Variants in SLC39A8 observed in about 807,000 individuals in gnomAD.
The protein encoded by SLC39A8 is solute carrier family 39 member 8.
Under a neutral mutation model 40.4 loss-of-function variants are expected in SLC39A8, and 15 were observed. The observed-to-expected ratio is 0.37, with a 90% confidence interval of 0.25 to 0.57. SLC39A8 has a LOEUF of 0.57. Among genes scored for constraint, SLC39A8 ranks in the 20% least tolerant of loss-of-function variants. The probability of loss-of-function intolerance (pLI) is 0.75; values close to 1 mark genes in which losing one functional copy is unlikely to be tolerated. For missense variants in SLC39A8, 472 were observed against 558.8 expected (o/e 0.84, Z 1.57); for synonymous variants, 223 against 221.6 (o/e 1.01, Z -0.06).
chr4:102,261,947 C>T lies in SLC39A8; in HGVS notation c.*1097G>A. 6 of 985,788 alleles carry T rather than the reference C, an allele frequency of 6.1e-6. No individual in the cohort carries two copies. Among genetic ancestry groups the T allele is most frequent in the Non-Finnish European group, 7.2e-6 (6 of 829,886 alleles). The allele number at this position is 985,788 out of a possible 1,614,324, so 61.1% of individuals were successfully genotyped here. On this transcript the variant is annotated 3_prime_UTR_variant, in exon 9 of 9. Coordinates refer to ENST00000356736, the MANE Select transcript of SLC39A8 (RefSeq NM_001135146.2). ...TCTATCTTCTAAATGAGTAAACAGG[C>T]TCTGTCTTTTATAAAAGGTAGAAAA...
chr4:102,321,407 G>A (rs78903968), intron 2 of SLC39A8, among the ~76,000 whole-genome samples: 2,479 of 152,284 alleles, frequency 0.016, 68 homozygotes, highest in African/African-American at 0.056. Context: ...GGAATTTCCC[G>A]TGCGTGCAAG....
intron 6 of SLC39A8, among the ~76,000 whole-genome samples, chr4:102,298,493 T>C (rs938082324): frequency 3.9e-5 from 6 of 152,110 alleles, no homozygotes; most frequent in African/African-American, 1.2e-4. Flanking sequence ...ATTATTTGTA[T>C]AGTTTTCTAT....
At chr4:102,336,015 A>T (rs1204015783) in intron 2 of SLC39A8, among the ~76,000 whole-genome samples, 2 of 152,212 alleles carry the variant, frequency 1.3e-5, no homozygotes, top group African/African-American at 4.8e-5. Flanking sequence ...GATGATAATA[A>T]CTATGCATTG....
chr4:102,286,665 C>T (rs1733196333), intron 6 of SLC39A8, among the ~76,000 whole-genome samples: 1 of 152,064 alleles, frequency 6.6e-6, no homozygotes, highest in African/African-American at 2.4e-5. Context: ...GCTTTAGGTG[C>T]AATCTTGCCA....
At chr4:102,296,739 A>C (rs1157048029) in intron 6 of SLC39A8, among the ~76,000 whole-genome samples, 3 of 152,152 alleles carry the variant, frequency 2.0e-5, no homozygotes, top group Admixed American at 2.0e-4. Flanking sequence ...GAGACTCAGA[A>C]GAAGCACCAG....
chr4:102,311,019 T>C (rs565731871), intron 3 of SLC39A8, among the ~76,000 whole-genome samples: 378 of 152,244 alleles, frequency 2.5e-3, no homozygotes, highest in Non-Finnish European at 3.5e-3. Flanking sequence ...GGTTCTATTA[T>C]GATACCCATT....
Position 102,279,518 on chromosome 4 carries a change from C to T in SLC39A8, c.841-11439G>A, listed in dbSNP as rs182775248. Among the ~76,000 whole-genome samples the T allele has an allele frequency of 2.6e-4, 40 of 152,222 alleles. No individual in the cohort carries two copies. The Middle Eastern group carries it at 0.01, about 39-fold the overall frequency. ...GATCCCCCAATAAAAACAAGACTACCAAGCACTCAGATCTTAAAGAAATGA... is the reference window on the plus strand; with the variant it reads ...GATCCCCCAATAAAAACAAGACTACTAAGCACTCAGATCTTAAAGAAATGA... On this transcript the variant is annotated intron_variant, in intron 6 of 8. Transcript: ENST00000356736.
chr4:102,287,185 AG>A (rs1180294450), intron 6 of SLC39A8, among the ~76,000 whole-genome samples: 2 of 152,090 alleles, frequency 1.3e-5, no homozygotes, highest in Non-Finnish European at 2.9e-5. Flanking sequence ...TATATCAGAG[AG>A]TATTGGCTGG....
At chr4:102,309,005 C>A (rs1235367348) in intron 3 of SLC39A8, among the ~76,000 whole-genome samples, 2 of 152,074 alleles carry the variant, frequency 1.3e-5, no homozygotes, top group African/African-American at 4.8e-5. Context: ...TTAGCATATG[C>A]TTTATTATTC....
intron 6 of SLC39A8, among the ~76,000 whole-genome samples, chr4:102,299,847 A>C (rs1021552552): frequency 2.0e-5 from 3 of 151,894 alleles, no homozygotes; most frequent in Non-Finnish European, 4.4e-5. Context: ...AAGAGCTGAC[A>C]CCCTCCCCAA....
chr4:102,282,020 C>G (rs144313601), intron 6 of SLC39A8, among the ~76,000 whole-genome samples: 172 of 152,328 alleles, frequency 1.1e-3, no homozygotes, highest in Non-Finnish European at 2.0e-3. Context: ...ATCGTTTAAT[C>G]TTCACAACTG....
At chr4:102,291,759 C>A (rs233804) in intron 6 of SLC39A8, among the ~76,000 whole-genome samples, 40,240 of 151,666 alleles carry the variant, frequency 0.27, 5,620 homozygotes, top group South Asian at 0.35. Context: ...GAACCTGACA[C>A]CAGGAAATGT....
intron 6 of SLC39A8, among the ~76,000 whole-genome samples, chr4:102,292,545 T>G (rs1335322971): frequency 2.6e-5 from 4 of 152,054 alleles, no homozygotes; most frequent in Non-Finnish European, 5.9e-5. Flanking sequence ...CCCCATTATG[T>G]CTTCAAGAAA....
chr4:102,259,803 G>A (rs1731798997), downstream of SLC39A8, among the ~76,000 whole-genome samples: 1 of 152,158 alleles, frequency 6.6e-6, no homozygotes, highest in Non-Finnish European at 1.5e-5. Flanking sequence ...TGGGGCAGGG[G>A]GAGAAATAAG....
At chr4:102,326,290 G>A (rs577807879) in intron 2 of SLC39A8, among the ~76,000 whole-genome samples, 5 of 152,324 alleles carry the variant, frequency 3.3e-5, no homozygotes, top group South Asian at 2.1e-4. Flanking sequence ...GGCCGGGTGC[G>A]GTGGCTCACG....
intron 3 of SLC39A8, 144 bp from the exon 4 acceptor site, chr4:102,307,749 T>G: frequency 1.3e-6 from 1 of 761,494 alleles, no homozygotes; most frequent in Non-Finnish European, 2.1e-6. Flanking sequence ...CAATGAAAAG[T>G]ATATAGAAAA....
chr4:102,311,835 T>C (rs1375146960), intron 3 of SLC39A8, among the ~76,000 whole-genome samples: 1 of 152,102 alleles, frequency 6.6e-6, no homozygotes, highest in Non-Finnish European at 1.5e-5. Flanking sequence ...TTTATGTTGA[T>C]TTTTTATTGC....
At chr4:102,316,266 C>T (rs1213958316) in intron 2 of SLC39A8, among the ~76,000 whole-genome samples, 11 of 152,036 alleles carry the variant, frequency 7.2e-5, no homozygotes, top group Admixed American at 7.2e-4. Context: ...TAGACAAATA[C>T]CTGGCTCCCT....
intron 3 of SLC39A8, among the ~76,000 whole-genome samples, chr4:102,310,810 G>A (rs538149390): frequency 6.6e-6 from 1 of 152,224 alleles, no homozygotes; most frequent in Admixed American, 6.5e-5. Context: ...GTTTCAGAGA[G>A]GGACCAGTCT....
Sources: allele counts gnomAD v4.1 joint callset (sites outside exome capture counted in the v4.1 genomes callset), GRCh38; gene constraint gnomAD v4.1.1; transcripts MANE v1.5; gene names NCBI Gene and HGNC (gene_info 2026-07-23, HGNC 2026-07-21).